The following TNS1 variants were observed in gnomAD, a reference collection of about 807,000 sequenced individuals.
TNS1 encodes the protein tensin 1.
TNS1 carries 62 observed loss-of-function variants against 168.6 expected under a neutral mutation model. The observed-to-expected ratio is 0.37, with a 90% confidence interval of 0.30 to 0.45. The LOEUF is 0.45. Among genes scored for constraint, TNS1 ranks in the 20% least tolerant of loss-of-function variants. The pLI is 1.00. For missense variants in TNS1, 2,240 were observed against 2,339.4 expected (o/e 0.96, Z 0.88); for synonymous variants, 934 against 933.2 (o/e 1.00, Z -0.02).
chr2:217,946,196 A>G (rs1444728280), intron 3 of TNS1, among the ~76,000 whole-genome samples: 1 of 152,102 alleles, frequency 6.6e-6, no homozygotes, highest in African/African-American at 2.4e-5. Flanking sequence ...CTCAATTCAG[A>G]AGCCATCCTC....
chr2:218,016,247 G>A (rs1210087580), intron 1 of TNS1, among the ~76,000 whole-genome samples: 2 of 152,304 alleles, frequency 1.3e-5, no homozygotes, highest in East Asian at 1.9e-4. Flanking sequence ...AAGGGGAGGG[G>A]AGCTGAGTTA....
intron 3 of TNS1, among the ~76,000 whole-genome samples, chr2:217,969,788 G>A (rs1957733832): frequency 6.6e-6 from 1 of 152,190 alleles, no homozygotes; most frequent in Non-Finnish European, 1.5e-5. Context: ...AACAAGTGTT[G>A]ACAAGGATGT....
intron 3 of TNS1, among the ~76,000 whole-genome samples, chr2:217,951,971 G>A (rs1372893483): frequency 2.6e-5 from 4 of 152,176 alleles, no homozygotes; most frequent in Non-Finnish European, 2.9e-5. Flanking sequence ...CTAAGTGCCC[G>A]CAGTGGCCCA....
intron 1 of TNS1, among the ~76,000 whole-genome samples, chr2:218,016,704 T>C (rs926302070): frequency 6.6e-6 from 1 of 152,042 alleles, no homozygotes; most frequent in African/African-American, 2.4e-5. Flanking sequence ...AGGAAGGGAA[T>C]GGACCCCCCC....
chr2:217,885,881 T>G (rs892597788), intron 14 of TNS1, 62 bp from the exon 15 acceptor site: 2 of 1,566,988 alleles, frequency 1.3e-6, no homozygotes, highest in Non-Finnish European at 1.8e-6. Flanking sequence ...GGGAGGGGCA[T>G]TTTCTCCCTG....
In TNS1 at chr2:217,818,241, T is replaced by G; in HGVS notation, c.4091A>C (p.His1364Pro). ...PAGVYQVSGLHNKVATTPGSP... is the reference protein window; with the variant it reads ...PAGVYQVSGLPNKVATTPGSP... ...CCCCGGGGTGGTGGCCACTTTGTTG[T>G]GGAGGCCAGAAACCTGGTAGACCCC... The change falls in exon 24 of 33, where the codon CAC becomes CCC. Residue 1364 changes from histidine to proline, a missense_variant. Coordinates refer to ENST00000682258, the MANE Select transcript of TNS1 (RefSeq NM_001387777.1). 1 of 1,613,770 alleles carries G rather than the reference T, an allele frequency of 6.2e-7. No homozygotes were observed. The highest frequency in any genetic ancestry group is 8.5e-7 in the Non-Finnish European group (1 of 1,179,862).
chr2:217,838,766 G>A (rs1209325239), intron 19 of TNS1, among the ~76,000 whole-genome samples: 2 of 152,226 alleles, frequency 1.3e-5, no homozygotes, highest in African/African-American at 4.8e-5. Flanking sequence ...TATGGGAGGG[G>A]AGACTGGCGT....
chr2:217,847,810 G>A lies in TNS1; in HGVS notation c.2707C>T (p.Pro903Ser), dbSNP rs1946870553. Residue 903 changes from proline (P) to serine (S), a missense_variant, in exon 19 of 33, where the codon CCA (proline) becomes TCA (serine). Physicochemically the swap from Pro to Ser is moderately conservative, Grantham distance 74. This residue lies in a region of TNS1 where 2,131 missense variants were observed against 2,171.2 expected (regional missense o/e 0.98). Transcript: ENST00000682258. The stretch of plus-strand genomic sequence containing the variant: ...GACTCCAGAGAGGCCCGTGGGGCTG[G>A]CTCAGGGGTTCCCAACGAATGCCCA... Reference protein sequence around the residue: ...PSGHSLGTPEPAPRASLESVP... With the variant: ...PSGHSLGTPESAPRASLESVP... 3 of 1,599,788 alleles carry A rather than the reference G, an allele frequency of 1.9e-6. No individual in the cohort carries two copies. Among genetic ancestry groups the A allele is most frequent in the Non-Finnish European group, 2.6e-6 (3 of 1,168,266 alleles).
intron 3 of TNS1, among the ~76,000 whole-genome samples, chr2:217,928,610 A>G (rs1021059109): frequency 1.3e-5 from 2 of 152,134 alleles, no homozygotes; most frequent in Non-Finnish European, 2.9e-5. Flanking sequence ...AACCCAGCAC[A>G]GGCTGGGACC....
At chr2:217,977,495 T>C (rs1186008763) in intron 3 of TNS1, among the ~76,000 whole-genome samples, 1 of 152,228 alleles carries the variant, frequency 6.6e-6, no homozygotes, top group Non-Finnish European at 1.5e-5. Context: ...TTCCCAGACC[T>C]GCTTGATCCG....
chr2:217,909,804 C>A (rs943813905), intron 4 of TNS1, among the ~76,000 whole-genome samples: 3 of 152,216 alleles, frequency 2.0e-5, no homozygotes, highest in Non-Finnish European at 4.4e-5. Context: ...TGGCAGCAGA[C>A]TGCCCAGGTC....
At chr2:217,873,267 A>G (rs1044121115) in intron 18 of TNS1, among the ~76,000 whole-genome samples, 3 of 152,230 alleles carry the variant, frequency 2.0e-5, no homozygotes, top group Non-Finnish European at 4.4e-5. Context: ...ACCGCCATAC[A>G]CACCATGCAC....
At chr2:218,026,773 C>G (rs1958852639) in intron 1 of TNS1, among the ~76,000 whole-genome samples, 1 of 152,282 alleles carries the variant, frequency 6.6e-6, no homozygotes, top group African/African-American at 2.4e-5. Flanking sequence ...TCTCCTTCCC[C>G]TCCAAACCCT....
chr2:217,923,524 A>T (rs981686656), intron 3 of TNS1, among the ~76,000 whole-genome samples: 2 of 152,198 alleles, frequency 1.3e-5, no homozygotes, highest in African/African-American at 4.8e-5. Flanking sequence ...GAGTTGGCCA[A>T]CAGGAGGCAC....
At chr2:217,942,936 G>T (rs996785360) in intron 3 of TNS1, among the ~76,000 whole-genome samples, 4 of 152,290 alleles carry the variant, frequency 2.6e-5, no homozygotes, top group East Asian at 1.9e-4. Context: ...ACAGTAGCCA[G>T]CCTAAAACAT....
intron 3 of TNS1, among the ~76,000 whole-genome samples, chr2:217,925,389 C>T (rs548829801): frequency 3.3e-5 from 5 of 152,132 alleles, no homozygotes; most frequent in Non-Finnish European, 7.4e-5. Context: ...CACTCCTGTC[C>T]CCAGGCCACC....
At chr2:218,011,103 G>A (rs375485203), upstream of TNS1, among the ~76,000 whole-genome samples, 11 of 152,296 alleles carry the variant, frequency 7.2e-5, no homozygotes, top group South Asian at 1.9e-3. Context: ...AGCTGCAGCC[G>A]CCTGCTCTGG....
At chr2:217,863,138 C>T (rs1267525535) in intron 18 of TNS1, among the ~76,000 whole-genome samples, 2 of 152,198 alleles carry the variant, frequency 1.3e-5, no homozygotes, top group East Asian at 1.9e-4. Context: ...TGTTCTTCCT[C>T]GTAAAGAACA....
chr2:218,026,283 T>G (rs1480599531), intron 1 of TNS1, among the ~76,000 whole-genome samples: 2 of 152,172 alleles, frequency 1.3e-5, no homozygotes, highest in African/African-American at 2.4e-5. Flanking sequence ...GAAGGCCGCT[T>G]GTACACCTAC....
Sources: allele counts gnomAD v4.1 joint callset (sites outside exome capture counted in the v4.1 genomes callset), GRCh38; gene constraint gnomAD v4.1.1; regional missense constraint gnomAD v4.1.1; transcripts MANE v1.5; gene names NCBI Gene and HGNC (gene_info 2026-07-23, HGNC 2026-07-21).